C10orf90: variants seen among roughly 807,000 people sequenced by gnomAD.
The protein encoded by C10orf90 is chromosome 10 open reading frame 90, also known as (E2-independent) E3 ubiquitin-conjugating enzyme FATS.
A neutral mutation model predicts 62.5 loss-of-function variants in C10orf90; 56 were observed. The observed-to-expected ratio is 0.90, with a 90% confidence interval of 0.72 to 1.12. The LOEUF is 1.12. Among genes scored for constraint, C10orf90 ranks in the 50% most tolerant of loss-of-function variants. The pLI is 0.00. For missense variants in C10orf90, 970 were observed against 880.4 expected, an observed-to-expected ratio of 1.10 and a Z score of -1.29; for synonymous variants, 386 against 340.4, an observed-to-expected ratio of 1.13 and a Z score of -1.47.
chr10:126,563,636 G>A (rs1019522635), intron 2 of C10orf90, among the ~76,000 whole-genome samples: 3 of 152,182 alleles, frequency 2.0e-5, no homozygotes, highest in Non-Finnish European at 4.4e-5. Context: ...TGGCTATGAT[G>A]AGCAAATATC....
At chr10:126,552,938 C>T (rs748970319) in intron 2 of C10orf90, among the ~76,000 whole-genome samples, 1 of 152,186 alleles carries the variant, frequency 6.6e-6, no homozygotes. Context: ...TCCAACAAAT[C>T]GTTTTGGGTC....
intron 4 of C10orf90, among the ~76,000 whole-genome samples, chr10:126,503,445 C>T (rs934566989): frequency 2.0e-5 from 3 of 152,310 alleles, no homozygotes; most frequent in East Asian, 3.9e-4. Flanking sequence ...CACGCACACA[C>T]GCACACATTC....
intron 2 of C10orf90, among the ~76,000 whole-genome samples, chr10:126,626,876 T>C (rs577658214): frequency 2.0e-5 from 3 of 152,344 alleles, no homozygotes; most frequent in South Asian, 4.1e-4. Context: ...GCAAGGACAA[T>C]TCATTCAGCA....
intron 2 of C10orf90, among the ~76,000 whole-genome samples, chr10:126,545,743 C>T (rs984172409): frequency 1.3e-5 from 2 of 152,168 alleles, no homozygotes; most frequent in Admixed American, 6.5e-5. Flanking sequence ...GCCCCTCCCC[C>T]TCTTCTCTCT....
chr10:126,638,034 G>A (rs531990671), intron 2 of C10orf90, among the ~76,000 whole-genome samples: 7 of 152,262 alleles, frequency 4.6e-5, no homozygotes, highest in Admixed American at 3.9e-4. Flanking sequence ...AGTGAGGGAA[G>A]GCAGAAAGAC....
chr10:126,620,032 T>G (rs1305311342), intron 2 of C10orf90, among the ~76,000 whole-genome samples: 2 of 152,140 alleles, frequency 1.3e-5, no homozygotes, highest in Admixed American at 1.3e-4. Context: ...CTAATATATA[T>G]CATAGATATA....
chr10:126,605,519 G>T (rs1411118380), intron 2 of C10orf90, among the ~76,000 whole-genome samples: 5 of 152,234 alleles, frequency 3.3e-5, no homozygotes, highest in Non-Finnish European at 5.9e-5. Context: ...AAGAGCCTGT[G>T]GAAGTGGTCC....
At chr10:126,426,148 G>A in intron 8 of C10orf90, 58 bp from the exon 9 acceptor site, 1 of 1,354,810 alleles carries the variant, frequency 7.4e-7, no homozygotes, top group Non-Finnish European at 1.1e-6. Flanking sequence ...TCCCGCTGTG[G>A]GGCTGCATCC....
chr10:126,505,559 G>A (rs941223080), intron 3 of C10orf90, among the ~76,000 whole-genome samples: 2 of 152,122 alleles, frequency 1.3e-5, no homozygotes, highest in Non-Finnish European at 2.9e-5. Context: ...TCCCTACCTT[G>A]GTCCTTTGGA....
At chr10:126,571,692 T>C (rs1844509958) in intron 2 of C10orf90, among the ~76,000 whole-genome samples, 1 of 152,070 alleles carries the variant, frequency 6.6e-6, no homozygotes, top group African/African-American at 2.4e-5. Flanking sequence ...AGGGGGAAGG[T>C]AGACCACCCA....
chr10:126,547,254 C>CT (rs1864517818), intron 2 of C10orf90, among the ~76,000 whole-genome samples: 1 of 151,638 alleles, frequency 6.6e-6, no homozygotes, highest in Non-Finnish European at 1.5e-5. Flanking sequence ...CCCATCTCTA[C>CT]AAAAAATAAA....
chr10:126,448,199 G>A (rs559002066), intron 7 of C10orf90, among the ~76,000 whole-genome samples: 6 of 151,356 alleles, frequency 4.0e-5, no homozygotes, highest in Admixed American at 2.0e-4. Context: ...TCATCACAAT[G>A]GTATGAAACT....
intron 2 of C10orf90, among the ~76,000 whole-genome samples, chr10:126,621,062 T>A (rs942996855): frequency 6.6e-6 from 1 of 152,208 alleles, no homozygotes; most frequent in African/African-American, 2.4e-5. Flanking sequence ...TTATATAACC[T>A]TTTCCCTGCT....
Position 126,530,909 on chromosome 10 carries a change from C to T in C10orf90, c.314-16970G>A, listed in dbSNP as rs921544155. 2.0e-5 allele frequency among the ~76,000 whole-genome samples: 3 copies of T among 152,150 alleles called. No homozygotes were observed. In the East Asian group the frequency reaches 5.8e-4, roughly 29 times the overall value. ...ACAGATCAGGCCAGGCGCGGTGGCT[C>T]ACGCCTGTAATCCCAGCACTTTGGG... is the stretch of plus-strand genomic sequence containing the variant. On this transcript the variant is annotated intron_variant, in intron 2 of 9. Coordinates refer to ENST00000488181, the MANE Select transcript of C10orf90 (RefSeq NM_001350921.2).
In C10orf90 at chr10:126,537,137, A is replaced by G. The variant is rs145248116; in HGVS notation, c.314-23198T>C. Among the ~76,000 whole-genome samples the G allele has an allele frequency of 9.3e-4, 142 of 152,334 alleles. 2 individuals are homozygous for G. The highest frequency in any genetic ancestry group is 3.3e-3 in the African/African-American group (138 of 41,574). On this transcript the variant is annotated intron_variant, in intron 2 of 9. Coordinates refer to ENST00000488181, the MANE Select transcript of C10orf90 (RefSeq NM_001350921.2). ...TCCCCTTCTCCTGCTAAGGCCCAGCAGTCAAATCACCCTGATGCCCTTACA... is the reference window on the plus strand; with the variant it reads ...TCCCCTTCTCCTGCTAAGGCCCAGCGGTCAAATCACCCTGATGCCCTTACA...
intron 2 of C10orf90, among the ~76,000 whole-genome samples, chr10:126,529,326 A>G (rs1864032370): frequency 6.6e-6 from 1 of 152,204 alleles, no homozygotes; most frequent in South Asian, 2.1e-4. Flanking sequence ...ATGTCTTTAG[A>G]ATATTCCCAA....
intron 4 of C10orf90, among the ~76,000 whole-genome samples, chr10:126,475,704 G>T (rs1860822249): frequency 1.3e-5 from 2 of 152,142 alleles, no homozygotes; most frequent in South Asian, 4.1e-4. Context: ...TTAATTCATG[G>T]TCATGGGACT....
chr10:126,578,481 G>T (rs1022102258), intron 2 of C10orf90, among the ~76,000 whole-genome samples: 2 of 152,160 alleles, frequency 1.3e-5, no homozygotes, highest in African/African-American at 4.8e-5. Context: ...GTTGGAAAAT[G>T]CCAAGTGTTA....
chr10:126,557,162 G>C (rs1263737931), intron 2 of C10orf90, among the ~76,000 whole-genome samples: 1 of 151,906 alleles, frequency 6.6e-6, no homozygotes, highest in African/African-American at 2.4e-5. Context: ...TGAATAACAG[G>C]TTGCCCATAC....
Sources: allele counts gnomAD v4.1 joint callset (sites outside exome capture counted in the v4.1 genomes callset), GRCh38; gene constraint gnomAD v4.1.1; transcripts MANE v1.5; gene names NCBI Gene and HGNC (gene_info 2026-07-23, HGNC 2026-07-21).